The following RBPJ variants were observed in gnomAD, a reference collection of about 807,000 sequenced individuals.
RBPJ encodes the protein recombining binding protein suppressor of hairless.
A neutral mutation model predicts 67.8 loss-of-function variants in RBPJ; 9 were observed. That is an observed-to-expected ratio of 0.13 (90% CI 0.08 to 0.23). The LOEUF (loss-of-function observed/expected upper bound fraction) is 0.23. Ranked by LOEUF, RBPJ falls within the 10% of genes least tolerant of loss-of-function variation. The probability of loss-of-function intolerance (pLI) is 1.00; values close to 1 mark genes in which losing one functional copy is unlikely to be tolerated. For missense variants in RBPJ, 305 were observed against 595.6 expected (o/e 0.51, Z 5.08); for synonymous variants, 198 against 203.3 (o/e 0.97, Z 0.22).
intron 7 of RBPJ, among the ~76,000 whole-genome samples, chr4:26,425,843 TCCTA>T (rs1735599944): frequency 6.6e-6 from 1 of 152,146 alleles, no homozygotes; most frequent in Admixed American, 6.5e-5. Flanking sequence ...TAAACATGCC[TCCTA>T]TTTATCTTTT....
At chr4:26,168,734 A>C (rs1426785568) in intron 1 of RBPJ, among the ~76,000 whole-genome samples, 6 of 152,116 alleles carry the variant, frequency 3.9e-5, no homozygotes, top group Admixed American at 2.0e-4. Context: ...TGGTCTTTTC[A>C]CATAGTCCCA....
the RBPJ span, among the ~76,000 whole-genome samples, chr4:26,132,471 C>T: frequency 2.3e-5 from 3 of 132,306 alleles, no homozygotes; most frequent in Non-Finnish European, 5.2e-5. Flanking sequence ...CTGCTCATGG[C>T]ACCTGCTCCT....
intron 1 of RBPJ, among the ~76,000 whole-genome samples, chr4:26,273,907 G>A (rs1252361252): frequency 6.6e-6 from 1 of 152,186 alleles, no homozygotes; most frequent in Non-Finnish European, 1.5e-5. Context: ...ATTAGGCCCG[G>A]CTTTACTTCT....
Position 26,429,624 on chromosome 4 carries a change from A to G in RBPJ, c.889-274A>G, listed in dbSNP as rs62411618. Among the ~76,000 whole-genome samples the G allele has an allele frequency of 0.046, 6,986 of 152,318 alleles. 235 individuals are homozygous for G. Among genetic ancestry groups the G allele is most frequent in the Non-Finnish European group, 0.076 (5,143 of 68,022 alleles). ...TTAATGAAATTGTACCTGCATTGGT[A>G]TACTCATAATGGTTGTTCTGAAAGG... is the stretch of plus-strand genomic sequence containing the variant. On this transcript the variant is annotated intron_variant, in intron 8 of 10. Coordinates refer to ENST00000355476, the MANE Select transcript of RBPJ (RefSeq NM_015874.6).
At chr4:26,182,644 C>G (rs911060251) in intron 1 of RBPJ, among the ~76,000 whole-genome samples, 2 of 151,584 alleles carry the variant, frequency 1.3e-5, no homozygotes, top group Non-Finnish European at 2.9e-5. Flanking sequence ...CAGGCATGCC[C>G]CACCACATCT....
intron 1 of RBPJ, among the ~76,000 whole-genome samples, chr4:26,338,641 T>C (rs1725161038): frequency 6.6e-6 from 1 of 150,628 alleles, no homozygotes; most frequent in Non-Finnish European, 1.5e-5. Flanking sequence ...AGTGGCACGA[T>C]CTTGGCTCCC....
upstream of RBPJ, among the ~76,000 whole-genome samples, chr4:26,158,484 A>G (rs769873047): frequency 3.3e-5 from 5 of 152,312 alleles, no homozygotes; most frequent in Middle Eastern, 0.01. Context: ...AAAGCCCCCT[A>G]TGAAGAGCTT....
chr4:26,378,506 A>G (rs1363676566), intron 1 of RBPJ, among the ~76,000 whole-genome samples: 3 of 152,134 alleles, frequency 2.0e-5, no homozygotes, highest in Admixed American at 6.5e-5. Context: ...CTCTCCAGGT[A>G]TGGATATTTG....
At chr4:26,423,247 A>G (rs549971904) in intron 5 of RBPJ, among the ~76,000 whole-genome samples, 105 of 152,330 alleles carry the variant, frequency 6.9e-4, no homozygotes, top group Non-Finnish European at 9.8e-4. Context: ...GAGAGGGTCA[A>G]TGGATGGAAA....
chr4:26,207,174 T>C (rs1718198795), intron 1 of RBPJ, among the ~76,000 whole-genome samples: 1 of 152,102 alleles, frequency 6.6e-6, no homozygotes, highest in South Asian at 2.1e-4. Flanking sequence ...AGCAAATAAA[T>C]GGTGAGCAGA....
intron 2 of RBPJ, among the ~76,000 whole-genome samples, chr4:26,396,762 A>T (rs1441037917): frequency 6.6e-6 from 1 of 152,228 alleles, no homozygotes; most frequent in Non-Finnish European, 1.5e-5. Context: ...ATCTACAAAA[A>T]ACTTTTTGTG....
chr4:26,171,710 C>T (rs1468755596), intron 1 of RBPJ, among the ~76,000 whole-genome samples: 1 of 152,178 alleles, frequency 6.6e-6, no homozygotes, highest in Non-Finnish European at 1.5e-5. Flanking sequence ...TGTCTGGGTC[C>T]TTTATTAGAG....
chr4:26,115,030 C>T, the RBPJ span, among the ~76,000 whole-genome samples: 2 of 152,178 alleles, frequency 1.3e-5, no homozygotes, highest in African/African-American at 4.8e-5. Flanking sequence ...CTATCCACAT[C>T]TACTGCTACT....
At chr4:26,244,983 ATATTT>A (rs202069628) in intron 1 of RBPJ, among the ~76,000 whole-genome samples, 2,249 of 151,446 alleles carry the variant, frequency 0.015, 139 homozygotes, top group East Asian at 0.14. Flanking sequence ...TTTAATATTA[ATATTT>A]TATTTTATTA....
chr4:26,157,078 A>AAAAC, the RBPJ span, among the ~76,000 whole-genome samples: 12 of 49,878 alleles, frequency 2.4e-4, no homozygotes, highest in African/African-American at 5.8e-4. Context: ...CCCTGTGTCA[A>AAAAC]AAACAAACAA....
chr4:26,368,486 G>T (rs1208306589), intron 1 of RBPJ, among the ~76,000 whole-genome samples: 1 of 152,040 alleles, frequency 6.6e-6, no homozygotes, highest in African/African-American at 2.4e-5. Context: ...GTTTTGTGTT[G>T]TCTCTCTGTG....
At chr4:26,390,659 A>G (rs1203494226) in intron 2 of RBPJ, among the ~76,000 whole-genome samples, 1 of 152,232 alleles carries the variant, frequency 6.6e-6, no homozygotes, top group Non-Finnish European at 1.5e-5. Context: ...TATATCAGGA[A>G]AAGTCTGACA....
At chr4:26,286,073 G>A (rs1721457229) in intron 1 of RBPJ, among the ~76,000 whole-genome samples, 1 of 63,102 alleles carries the variant, frequency 1.6e-5, no homozygotes, top group Admixed American at 1.7e-4. Flanking sequence ...CTGCACTCCA[G>A]TCTGGGCGGC....
rs991591950 is a variant in RBPJ at position 26,280,200 on chromosome 4, G to T, written c.-166-82246G>T. Among the ~76,000 whole-genome samples the T allele has an allele frequency of 1.1e-4, 16 of 151,726 alleles. 1 individual carries two copies. The highest frequency in any genetic ancestry group is 3.9e-4 in the African/African-American group (16 of 41,360). ...ACTTGAGGTCAGGAGTTGCAGACCA[G>T]CCTGGCTAACACGGCGAAACCCCAA... On this transcript the variant is annotated intron_variant, in intron 1 of 4. Transcript: ENST00000512351.
Sources: allele counts gnomAD v4.1 joint callset (sites outside exome capture counted in the v4.1 genomes callset), GRCh38; gene constraint gnomAD v4.1.1; transcripts MANE v1.5; gene names NCBI Gene and HGNC (gene_info 2026-07-23, HGNC 2026-07-21).